The following DRG2 variants were observed in gnomAD, a reference collection of about 807,000 sequenced individuals.
DRG2 encodes developmentally regulated GTP binding protein 2.
A neutral mutation model predicts 53.4 loss-of-function variants in DRG2; 36 were observed. The observed-to-expected ratio is 0.67, with a 90% CI of 0.52 to 0.89. DRG2 has a LOEUF of 0.89. Among genes scored for constraint, DRG2 ranks in the 40% least tolerant of loss-of-function variants. The pLI is 0.00. For missense variants in DRG2, 342 were observed against 481.2 expected, an observed-to-expected ratio of 0.71 and a Z score of 2.71; for synonymous variants, 167 against 192.1, an observed-to-expected ratio of 0.87 and a Z score of 1.08.
chr17:18,093,702 C>G (rs1292693880), intron 1 of DRG2, 111 bp from the exon 2 acceptor site: 7 of 1,288,056 alleles, frequency 5.4e-6, no homozygotes, highest in Non-Finnish European at 7.5e-6. Context: ...CTCCTGATCT[C>G]CTTGACAGCA....
chr17:18,101,897 C>T (rs369219542), intron 8 of DRG2, 24 bp from the exon 9 acceptor site: 81 of 1,602,002 alleles, frequency 5.1e-5, no homozygotes, highest in Non-Finnish European at 6.5e-5. Flanking sequence ...TCCTCAGCAC[C>T]GGCCTCCACC....
In DRG2 at chr17:18,098,036, A is replaced by T; in HGVS notation, c.226-234A>T. ...GAATCCAGATCCCTGCCTCTACCTG[A>T]GACAGTCCTGAGGCCTCCAAGGAAC... is the stretch of plus-strand genomic sequence containing the variant. On this transcript the variant is annotated intron_variant, in intron 2 of 12. Transcript: ENST00000225729. The surrounding 1 kb of genome is among the most constrained non-coding windows in gnomAD (Gnocchi z 4.1). 2.4e-6 allele frequency: 1 copy of T among 411,200 alleles called. No homozygotes were observed. The highest frequency in any genetic ancestry group is 4.5e-6 in the Non-Finnish European group (1 of 220,820). The allele number at this position is 411,200 out of a possible 1,614,324, so 25.5% of individuals were successfully genotyped here.
At chr17:18,106,687 G>GTT (rs10566746) in intron 12 of DRG2, among the ~76,000 whole-genome samples, 14 of 69,538 alleles carry the variant, frequency 2.0e-4, no homozygotes, top group African/African-American at 2.7e-4. Flanking sequence ...TTTTTTTCTG[G>GTT]TTTTTTTTTT....
rs2045545043 is a variant in DRG2 at position 18,101,922 on chromosome 17, T to C, written c.731T>C (p.Val244Ala). The C allele has an allele frequency of 4.3e-6, 7 of 1,611,068 alleles. No individual in the cohort carries two copies. In the Admixed American group the frequency reaches 8.4e-5, roughly 19 times the overall value. ...GNRVYMPCLYVYNKIDQISME... is the reference protein window; with the variant it reads ...GNRVYMPCLYAYNKIDQISME... ...CGGCCTCCACCTTCTCAATCTCAGG[T>C]TTATAACAAAATCGACCAGATCTCC... Residue 244 changes from valine to alanine, a missense_variant and splice_region_variant, in exon 9 of 13, where the codon GTT becomes GCT. By Grantham distance (64) the Val-to-Ala change is moderately conservative. Transcript: ENST00000225729.
In DRG2 at chr17:18,105,028, G is replaced by T. The variant is rs569735679; in HGVS notation, c.954+347G>T. Among the ~76,000 whole-genome samples the T allele has an allele frequency of 1.4e-4, 21 of 152,316 alleles. No individual in the cohort carries two copies. In the South Asian group the frequency reaches 4.3e-3, roughly 32 times the overall value. On this transcript the variant is annotated intron_variant, in intron 11 of 12. Coordinates refer to ENST00000225729, the MANE Select transcript of DRG2 (RefSeq NM_001388.5). The stretch of plus-strand genomic sequence containing the variant: ...ATGCCATTCAGGCATCAGTCAAGGA[G>T]AGTAGGGAGTGGCACCAGCTTAACA...
rs1033070874 is a variant in DRG2, at chr17:18,099,413, G to A, written c.377-220G>A. 8 of 634,342 alleles carry A rather than the reference G, an allele frequency of 1.3e-5. No homozygotes were observed. The highest frequency in any genetic ancestry group is 3.6e-5 in the African/African-American group (2 of 55,048). The allele number at this position is 634,342 out of a possible 1,614,324, so 39.3% of individuals were successfully genotyped here. The stretch of plus-strand genomic sequence containing the variant: ...TGGTAGGGGTGGGCGTAGGACAGCC[G>A]TTATTATCCTGTTACTCCTTTTATG... On this transcript the variant is annotated intron_variant, in intron 4 of 12. Coordinates refer to ENST00000225729, the MANE Select transcript of DRG2 (RefSeq NM_001388.5). The surrounding 1 kb of genome is among the most constrained non-coding windows in gnomAD (Gnocchi z 4.4).
chr17:18,101,751 T>C (rs1364343524), intron 8 of DRG2, among the ~76,000 whole-genome samples, 161 bp downstream of exon 8: 1 of 152,158 alleles, frequency 6.6e-6, no homozygotes, highest in Admixed American at 6.5e-5. Context: ...CATAGAGAGC[T>C]TGAAACCAGG....
rs920153411 is a variant in DRG2 at position 18,098,825 on chromosome 17, G to A, written c.316-192G>A. Among the ~76,000 whole-genome samples, 9 of 152,164 alleles carry A rather than the reference G, an allele frequency of 5.9e-5. No individual in the cohort carries two copies. The highest frequency in any genetic ancestry group is 1.9e-4 in the East Asian group (1 of 5,192). The stretch of plus-strand genomic sequence containing the variant: ...GGAAGATCTTGAGCCCTCCCTAGGC[G>A]GCTACTCAGCTCATAGGCTGTGGTC... On this transcript the variant is annotated intron_variant, in intron 3 of 12. Transcript: ENST00000225729. This position sits in a 1 kb window ranked among gnomAD's most constrained non-coding sequence, Gnocchi z 4.1.
chr17:18,093,029 C>G (rs903243716), intron 1 of DRG2, among the ~76,000 whole-genome samples: 4 of 152,300 alleles, frequency 2.6e-5, no homozygotes, highest in Admixed American at 2.6e-4. Context: ...GTAAACAGAG[C>G]TAGGTTCTAG....
At chr17:18,093,779 C>A in intron 1 of DRG2, 34 bp from the exon 2 acceptor site, 1 of 1,599,498 alleles carries the variant, frequency 6.3e-7, no homozygotes, top group South Asian at 1.1e-5. Flanking sequence ...GACACCCTGG[C>A]CACTCATCTT....
chr17:18,104,800 C>A, intron 11 of DRG2, 119 bp downstream of exon 11: 1 of 1,523,212 alleles, frequency 6.6e-7, no homozygotes, highest in African/African-American at 1.4e-5. Context: ...TCTCAGATGT[C>A]AACGCAGGCT....
At chr17:18,090,368 TTATATATA>T (rs1242491729) in intron 1 of DRG2, among the ~76,000 whole-genome samples, 297 of 25,470 alleles carry the variant, frequency 0.012, 4 homozygotes, top group African/African-American at 0.037. Context: ...CCGGGCTAAT[TTATATATA>T]TATATATATA....
At chr17:18,094,242 C>A (rs558955853) in intron 2 of DRG2, 3 of 385,446 alleles carry the variant, frequency 7.8e-6, no homozygotes, top group East Asian at 9.8e-5. Context: ...GTGTCATGTG[C>A]TGGGCACTGT....
intron 10 of DRG2, 91 bp from the exon 11 acceptor site, chr17:18,104,532 C>G: frequency 6.3e-7 from 1 of 1,593,738 alleles, no homozygotes; most frequent in South Asian, 1.1e-5. Flanking sequence ...CCGAAAGGGC[C>G]TCTGTGGCCA....
At position 18,099,971 on chromosome 17, in the gene DRG2, G is replaced by A; in HGVS notation, c.467+248G>A. The stretch of plus-strand genomic sequence containing the variant: ...TTGGCCTGGCCCTGCTTCCTGTTCA[G>A]AGGCACAGGTGCCTCATCACTGCCC... On this transcript the variant is annotated intron_variant, in intron 5 of 12. Coordinates refer to ENST00000225729, the MANE Select transcript of DRG2 (RefSeq NM_001388.5). The surrounding 1 kb of genome is among the most constrained non-coding windows in gnomAD (Gnocchi z 4.4). 1.7e-6 allele frequency: 1 copy of A among 594,246 alleles called. No individual in the cohort carries two copies. The highest frequency in any genetic ancestry group is 2.8e-5 in the East Asian group (1 of 35,694). 36.8% of individuals were successfully genotyped at this position (594,246 alleles called of 1,614,324 possible).
At chr17:18,101,687 C>A in intron 8 of DRG2, 97 bp downstream of exon 8, 1 of 1,281,458 alleles carries the variant, frequency 7.8e-7, no homozygotes, top group Non-Finnish European at 1.1e-6. Flanking sequence ...CAGAAAGAGT[C>A]TGAGGCTCTC....
chr17:18,090,401 TA>T (rs1567598147), intron 1 of DRG2, among the ~76,000 whole-genome samples: 25 of 17,268 alleles, frequency 1.4e-3, no homozygotes, highest in African/African-American at 3.5e-3. Flanking sequence ...TATATATATA[TA>T]TATATTTTTT....
chr17:18,106,277 C>T (rs1397738568), intron 11 of DRG2, 156 bp from the exon 12 acceptor site: 1 of 713,236 alleles, frequency 1.4e-6, no homozygotes. Context: ...GCGAATTGAG[C>T]ACGTCAGTCC....
At position 18,098,403 on chromosome 17, in the gene DRG2, T is replaced by C; in HGVS notation, c.315+44T>C. 1 of 1,572,516 alleles carries C rather than the reference T, an allele frequency of 6.4e-7. No individual in the cohort carries two copies. The highest frequency in any genetic ancestry group is 1.1e-5 in the South Asian group (1 of 90,120). On this transcript the variant is annotated intron_variant, in intron 3 of 12. Coordinates refer to ENST00000225729, the MANE Select transcript of DRG2 (RefSeq NM_001388.5). This position sits in a 1 kb window ranked among gnomAD's most constrained non-coding sequence, Gnocchi z 4.1. ...CCCAGAAGGAGAAGGGGCGCATGCT[T>C]GTGTTTGGACTTGTGCCTGTGCCCA...
Sources: gnomAD v4.1 joint callset for allele counts (sites outside exome capture counted in the v4.1 genomes callset) on GRCh38, gnomAD v4.1.1 for gene constraint, Gnocchi (gnomAD v3.1) non-coding constraint, MANE v1.5 for transcripts, NCBI Gene and HGNC (gene_info 2026-07-23, HGNC 2026-07-21) for gene names.